The following SMIM18 variants were observed in gnomAD, a reference collection of about 807,000 sequenced individuals.
SMIM18 encodes small integral membrane protein 18.
Under a neutral mutation model 5.9 loss-of-function variants are expected in SMIM18, and 4 were observed. That is an observed-to-expected ratio of 0.68 (90% CI 0.33 to 1.56). SMIM18 has a LOEUF of 1.56. Ranked by LOEUF, SMIM18 falls within the 40% of genes most tolerant of loss-of-function variation. The probability of loss-of-function intolerance (pLI) is 0.06; values close to 1 mark genes in which losing one functional copy is unlikely to be tolerated. For missense variants in SMIM18, 89 were observed against 109.7 expected (o/e 0.81, Z 0.84); for synonymous variants, 37 against 37.4 (o/e 0.99, Z 0.04).
At chr8:30,642,572 C>A (rs574188732) in intron 1 of SMIM18, among the ~76,000 whole-genome samples, 2 of 152,320 alleles carry the variant, frequency 1.3e-5, no homozygotes, top group Admixed American at 1.3e-4. Context: ...CCTCACTCTC[C>A]TCCCGATGGA....
intron 2 of SMIM18, 39 bp downstream of exon 2, chr8:30,644,611 C>T (rs1278260870): frequency 1.3e-5 from 2 of 152,096 alleles, no homozygotes; most frequent in African/African-American, 4.8e-5. Context: ...AAAGCTTTTC[C>T]AGGGGCAGTT....
intron 2 of SMIM18, among the ~76,000 whole-genome samples, chr8:30,644,860 C>T (rs1255554517): frequency 1.3e-5 from 2 of 151,948 alleles, no homozygotes; most frequent in Non-Finnish European, 2.9e-5. Context: ...AAGCAATCTT[C>T]CCGGCTTAGC....
chr8:30,639,896 G>A (rs1801753588), intron 1 of SMIM18, among the ~76,000 whole-genome samples: 1 of 151,448 alleles, frequency 6.6e-6, no homozygotes, highest in South Asian at 2.1e-4. Flanking sequence ...CAGCACAGTG[G>A]GGTTAATTAT....
chr8:30,644,003 C>A (rs1393455628), intron 1 of SMIM18, among the ~76,000 whole-genome samples: 1 of 152,084 alleles, frequency 6.6e-6, no homozygotes, highest in African/African-American at 2.4e-5. Flanking sequence ...GAATGACAAC[C>A]GATAAATTAA....
intron 1 of SMIM18, among the ~76,000 whole-genome samples, chr8:30,640,080 C>T (rs1358847173): frequency 6.6e-6 from 1 of 152,190 alleles, no homozygotes; most frequent in Non-Finnish European, 1.5e-5. Context: ...CATCAGCCTG[C>T]ATTTTGCTTG....
intron 1 of SMIM18, among the ~76,000 whole-genome samples, chr8:30,640,464 A>G (rs1801776166): frequency 6.6e-6 from 1 of 152,124 alleles, no homozygotes; most frequent in Admixed American, 6.5e-5. Flanking sequence ...AATTAACATA[A>G]AACAAAACTA....
At chr8:30,645,161 G>A (rs1188174010) in intron 2 of SMIM18, 120 bp from the exon 3 acceptor site, 38 of 857,878 alleles carry the variant, frequency 4.4e-5, no homozygotes, top group Non-Finnish European at 6.6e-5. Flanking sequence ...CTACCATTTA[G>A]GCATTAATTA....
chr8:30,643,805 G>T (rs1329112796), intron 1 of SMIM18: 2 of 150,898 alleles, frequency 1.3e-5, no homozygotes, highest in African/African-American at 4.9e-5. Flanking sequence ...TGCAAGGCTA[G>T]TAAGAAAGAA....
intron 1 of SMIM18, among the ~76,000 whole-genome samples, chr8:30,642,994 C>A (rs1020353207): frequency 6.6e-6 from 1 of 152,086 alleles, no homozygotes; most frequent in Non-Finnish European, 1.5e-5. Context: ...TTGTTGCCCA[C>A]GCTGGAGTGC....
chr8:30,640,581 C>A (rs551541594), intron 1 of SMIM18, among the ~76,000 whole-genome samples: 37 of 152,174 alleles, frequency 2.4e-4, no homozygotes, highest in African/African-American at 8.7e-4. Context: ...ATTGTTTTAC[C>A]TTTTTTTATA....
At chr8:30,645,088 ATGTTAAAAAACAGGGTATGG>A (rs943188979) in intron 2 of SMIM18, among the ~76,000 whole-genome samples, 173 bp from the exon 3 acceptor site, 1 of 152,186 alleles carries the variant, frequency 6.6e-6, no homozygotes, top group African/African-American at 2.4e-5. Flanking sequence ...CAAATAATAT[ATGTTAAAAAACAGGGTATGG>A]TTGACTAAGG....
intron 1 of SMIM18, among the ~76,000 whole-genome samples, chr8:30,638,843 T>C (rs1199407381): frequency 6.6e-6 from 1 of 152,228 alleles, no homozygotes. Context: ...CCTTACCATC[T>C]GTGCCTTAAT....
At chr8:30,643,251 T>A (rs774744367) in intron 1 of SMIM18, among the ~76,000 whole-genome samples, 6 of 152,190 alleles carry the variant, frequency 3.9e-5, no homozygotes, top group Non-Finnish European at 8.8e-5. Flanking sequence ...AGATATATAT[T>A]GAAATATTTC....
intron 1 of SMIM18, among the ~76,000 whole-genome samples, chr8:30,642,320 T>C (rs11777467): frequency 0.34 from 48,389 of 142,254 alleles, 8,300 homozygotes; most frequent in African/African-American, 0.4. Context: ...AGGAAAGGAA[T>C]AAAAGAATGG....
chr8:30,643,715 C>T (rs12676308), intron 1 of SMIM18: 62,168 of 148,908 alleles, frequency 0.42, 13,086 homozygotes, highest in South Asian at 0.57. Context: ...TCAGATCATA[C>T]AAATCTCTCA....
At chr8:30,641,574 G>A (rs1342380668) in intron 1 of SMIM18, among the ~76,000 whole-genome samples, 1 of 152,076 alleles carries the variant, frequency 6.6e-6, no homozygotes, top group African/African-American at 2.4e-5. Context: ...TGCCCAGGCT[G>A]GTCTCAAACT....
At chr8:30,643,658 T>TAA (rs71206267) in intron 1 of SMIM18, 1,482 of 132,188 alleles carry the variant, frequency 0.011, 24 homozygotes, top group African/African-American at 0.03. Flanking sequence ...AGACTCTGCC[T>TAA]AAAAAAAAAA....
rs1231363113 is a variant in SMIM18 at position 30,645,896 on chromosome 8, ACAAG to A, written c.*304_*307del. 3.8e-6 allele frequency: 1 copy of A among 262,462 alleles called. No homozygotes were observed. Among genetic ancestry groups the A allele is most frequent in the African/African-American group, 2.2e-5 (1 of 45,262 alleles). 16.3% of individuals were successfully genotyped at this position (262,462 alleles called of 1,614,324 possible). The stretch of plus-strand genomic sequence containing the variant: ...AGCAGCAAAAGATAAGCTGGAAAAG[ACAAG>A]CAAGGCTAATGATGCTAAAATGATT... On this transcript the variant is annotated 3_prime_UTR_variant, in exon 3 of 3. Coordinates refer to ENST00000517349, the MANE Select transcript of SMIM18 (RefSeq NM_001206847.2).
At chr8:30,641,480 A>C (rs940110762) in intron 1 of SMIM18, among the ~76,000 whole-genome samples, 1 of 152,070 alleles carries the variant, frequency 6.6e-6, no homozygotes, top group Non-Finnish European at 1.5e-5. Context: ...CCCCCACCTG[A>C]GCCTCCCAAG....
Sources: gnomAD v4.1 joint callset for allele counts (sites outside exome capture counted in the v4.1 genomes callset) on GRCh38, gnomAD v4.1.1 for gene constraint, MANE v1.5 for transcripts, NCBI Gene and HGNC (gene_info 2026-07-23, HGNC 2026-07-21) for gene names.